The following TSBP1 variants were observed in gnomAD, a reference collection of about 807,000 sequenced individuals.
TSBP1 encodes testis-expressed basic protein 1.
TSBP1 carries 56 observed loss-of-function variants against 68.8 expected under a neutral mutation model. The observed-to-expected ratio is 0.81, with a 90% confidence interval of 0.66 to 1.02. The LOEUF is 1.02. TSBP1 is among the 50% of genes least tolerant of loss of function. TSBP1 has a pLI of 0.00. For missense variants in TSBP1, 502 were observed against 641.2 expected (o/e 0.78, Z 2.34); for synonymous variants, 171 against 208.7 (o/e 0.82, Z 1.56).
At chr6:32,349,688 G>T in intron 9 of TSBP1, 52 bp downstream of exon 9, 2 of 1,100,112 alleles carry the variant, frequency 1.8e-6, no homozygotes, top group Middle Eastern at 2.0e-4. Context: ...ATATCCTCTT[G>T]ATTAAATGGG....
chr6:32,328,605 C>T (rs9469098), intron 16 of TSBP1, among the ~76,000 whole-genome samples: 23,607 of 151,692 alleles, frequency 0.16, 2,215 homozygotes, highest in East Asian at 0.29. Context: ...TTAGTAGAGA[C>T]GAAGTTTCAC....
Position 32,337,135 on chromosome 6 carries a change from T to G in TSBP1, c.410-500A>C, listed in dbSNP as rs991022941. On this transcript the variant is annotated intron_variant, in intron 11 of 22. Transcript: ENST00000612031. The surrounding 1 kb of genome is among the most constrained non-coding windows in gnomAD (Gnocchi z 5.5). Reference sequence around the variant, plus strand: ...AGGTCTAATAGTTCCAGTTAAAATATGGAAAAAACAAAATAGAACTAATGA... The same window carrying G: ...AGGTCTAATAGTTCCAGTTAAAATAGGGAAAAAACAAAATAGAACTAATGA... 3.3e-5 allele frequency among the ~76,000 whole-genome samples: 5 copies of G among 152,198 alleles called. No individual in the cohort carries two copies. Among genetic ancestry groups the G allele is most frequent in the African/African-American group, 1.2e-4 (5 of 41,446 alleles).
Position 32,306,298 on chromosome 6 carries a change from C to A in TSBP1, c.581-3669G>T, listed in dbSNP as rs1015053305. ...TGACCAAGGACAAAGACGTTCCCAACCTCCTCTGACTCTTGCTGGCATCCA... is the reference window on the plus strand; with the variant it reads ...TGACCAAGGACAAAGACGTTCCCAAACTCCTCTGACTCTTGCTGGCATCCA... On this transcript the variant is annotated intron_variant, in intron 19 of 22. Coordinates refer to ENST00000612031, the Ensembl canonical transcript of TSBP1. The surrounding 1 kb of genome is among the most constrained non-coding windows in gnomAD (Gnocchi z 5.1). Among the ~76,000 whole-genome samples, 2 of 152,164 alleles carry A rather than the reference C, an allele frequency of 1.3e-5. No homozygotes were observed. The highest frequency in any genetic ancestry group is 4.8e-5 in the African/African-American group (2 of 41,414).
rs747720315 is a variant in TSBP1, at chr6:32,368,763, CATGAGT to C, written c.133+13_133+18del. 32 of 1,563,092 alleles carry C rather than the reference CATGAGT, an allele frequency of 2.0e-5. No homozygotes were observed. Among genetic ancestry groups the C allele is most frequent in the African/African-American group, 8.1e-5 (6 of 74,370 alleles). On this transcript the variant is annotated intron_variant, in intron 3 of 22. Transcript: ENST00000612031. The stretch of plus-strand genomic sequence containing the variant: ...CTATAAGTACTATATTTATTTTTCT[CATGAGT>C]ATAAGTACTTACTTTGTTCTGAACT...
chr6:32,296,238 C>G (rs1158918351), intron 22 of TSBP1, among the ~76,000 whole-genome samples: 2 of 145,464 alleles, frequency 1.4e-5, no homozygotes. Context: ...ATACACATAA[C>G]TTCAGAATTT....
rs1300080502 is a variant in TSBP1 at position 32,316,415 on chromosome 6, C to G, written c.560-623G>C. The G allele has an allele frequency of 1.3e-6, 2 of 1,555,300 alleles. No homozygotes were observed. On this transcript the variant is annotated intron_variant, in intron 18 of 22. Coordinates refer to ENST00000612031, the Ensembl canonical transcript of TSBP1. The surrounding 1 kb of genome is among the most constrained non-coding windows in gnomAD (Gnocchi z 4.5). ...TTACTTATAGGTGCTGCCAGCTGAC[C>G]TAAAAAAATTAGATATCAGTGAAGA...
chr6:32,351,210 A>G (rs1436356926), intron 8 of TSBP1, among the ~76,000 whole-genome samples: 3 of 152,194 alleles, frequency 2.0e-5, no homozygotes, highest in Admixed American at 2.0e-4. Context: ...TAATGTTGTT[A>G]GAAGTGATAT....
intron 6 of TSBP1, among the ~76,000 whole-genome samples, chr6:32,364,699 T>C (rs1773462401): frequency 1.3e-5 from 2 of 152,160 alleles, no homozygotes; most frequent in African/African-American, 4.8e-5. Flanking sequence ...TTGTTTTGGA[T>C]TTTTTTGTCA....
At position 32,293,994 on chromosome 6, in the gene TSBP1, A is replaced by AT. The variant is rs1562045749; in HGVS notation, c.678dup (p.Ser227IlefsTer19). 11 of 1,611,632 alleles carry AT rather than the reference A, an allele frequency of 6.8e-6. 1 individual carries two copies. The South Asian group carries it at 1.2e-4, about 18-fold the overall frequency. On this transcript the variant is annotated frameshift_variant, in exon 23 of 23. Transcript: ENST00000612031. LOFTEE classifies it low-confidence loss of function (END_TRUNC). ...TTTAGAATCTGGATTTTGGAACAAG[A>AT]TTTTTTTGCAAGTTCTTCATCCATG... is the stretch of plus-strand genomic sequence containing the variant.
intron 17 of TSBP1, 73 bp downstream of exon 18, chr6:32,323,518 G>T: frequency 1.4e-6 from 2 of 1,408,746 alleles, no homozygotes. Context: ...GCAGGGTAGA[G>T]ACAGGTCTCT....
chr6:32,303,306 T>C (rs958023397), intron 19 of TSBP1, among the ~76,000 whole-genome samples: 3 of 140,104 alleles, frequency 2.1e-5, no homozygotes, highest in Non-Finnish European at 4.6e-5. Flanking sequence ...TCTTCAGTTC[T>C]AGTACGTGTT....
intron 22 of TSBP1, 67 bp from the exon 26 acceptor site, chr6:32,294,102 C>T (rs1764457624): frequency 6.3e-7 from 1 of 1,582,012 alleles, no homozygotes; most frequent in Non-Finnish European, 8.5e-7. Flanking sequence ...ATTTTTTTCC[C>T]CTTGATACTG....
At position 32,325,148 on chromosome 6, in the gene TSBP1, T is replaced by C; in HGVS notation, c.515-1534A>G. ...GAATGTTCTAGAAACTTATTAATAATTTATTTATGCCTTTCTGCCCATGGA... is the reference window on the plus strand; with the variant it reads ...GAATGTTCTAGAAACTTATTAATAACTTATTTATGCCTTTCTGCCCATGGA... On this transcript the variant is annotated intron_variant, in intron 16 of 22. Coordinates refer to ENST00000612031, the Ensembl canonical transcript of TSBP1. The surrounding 1 kb of genome is among the most constrained non-coding windows in gnomAD (Gnocchi z 4.4). The C allele has an allele frequency of 2.0e-6, 1 of 489,176 alleles. No individual in the cohort carries two copies. The highest frequency in any genetic ancestry group is 3.1e-5 in the East Asian group (1 of 32,716). 30.3% of individuals were successfully genotyped at this position (489,176 alleles called of 1,614,324 possible).
intron 18 of TSBP1, among the ~76,000 whole-genome samples, chr6:32,318,978 C>T (rs1767292746): frequency 6.6e-6 from 1 of 152,090 alleles, no homozygotes; most frequent in Non-Finnish European, 1.5e-5. Context: ...GGTTCTAATG[C>T]ATCATTAAGG....
At chr6:32,347,662 A>G (rs150689223) in intron 9 of TSBP1, among the ~76,000 whole-genome samples, 30 of 152,296 alleles carry the variant, frequency 2.0e-4, no homozygotes, top group Middle Eastern at 3.4e-3. Context: ...CCTGATGAAA[A>G]CAATGGCTTA....
At chr6:32,369,733 A>G (rs1383677417) in intron 2 of TSBP1, among the ~76,000 whole-genome samples, 164 bp downstream of exon 2, 1 of 152,168 alleles carries the variant, frequency 6.6e-6, no homozygotes, top group Non-Finnish European at 1.5e-5. Flanking sequence ...AGGGACAATC[A>G]CTAATAGGTC....
chr6:32,367,052 C>CGTGTGTGT (rs3038518), intron 4 of TSBP1, among the ~76,000 whole-genome samples: 2,282 of 148,428 alleles, frequency 0.015, 44 homozygotes, highest in African/African-American at 0.045. Flanking sequence ...ATGCTTGTAG[C>CGTGTGTGT]GTGTGTGTGT....
chr6:32,328,230 C>T (rs1159421517), intron 16 of TSBP1, among the ~76,000 whole-genome samples: 1 of 151,886 alleles, frequency 6.6e-6, no homozygotes, highest in Admixed American at 6.6e-5. Context: ...GCGTGAGCCA[C>T]TGCGCCCGGC....
intron 1 of TSBP1, 115 bp downstream of exon 1, chr6:32,371,579 G>T: frequency 1.2e-6 from 1 of 814,206 alleles, no homozygotes. Context: ...TACTGAATTT[G>T]AAAAGGAAGC....
Sources: allele counts gnomAD v4.1 joint callset (sites outside exome capture counted in the v4.1 genomes callset), GRCh38; gene constraint gnomAD v4.1.1; non-coding constraint Gnocchi (gnomAD v3.1); transcripts MANE v1.5; gene names NCBI Gene and HGNC (gene_info 2026-07-23, HGNC 2026-07-21).